The following MIB1 variants were observed in gnomAD, a reference collection of about 807,000 sequenced individuals.
MIB1 encodes the protein E3 ubiquitin-protein ligase MIB1.
In MIB1, 278 loss-of-function variants were observed where a neutral mutation model predicts 124.5. The observed-to-expected ratio is 2.23, with a 90% CI of 2.02 to 2.47. MIB1 has a LOEUF of 2.47. Among genes scored for constraint, MIB1 ranks in the 30% most tolerant of loss-of-function variants. MIB1 has a pLI of 0.00. For missense variants in MIB1, 957 were observed against 1,254.4 expected, an observed-to-expected ratio of 0.76 and a Z score of 3.58; for synonymous variants, 446 against 429.4, an observed-to-expected ratio of 1.04 and a Z score of -0.48.
At chr18:21,803,197 T>A (rs2041668412) in intron 9 of MIB1, among the ~76,000 whole-genome samples, 1 of 152,232 alleles carries the variant, frequency 6.6e-6, no homozygotes, top group African/African-American at 2.4e-5. Flanking sequence ...AATTATTTTA[T>A]TGTCATTTTA....
At chr18:21,825,194 T>C (rs2041913730) in intron 12 of MIB1, among the ~76,000 whole-genome samples, 2 of 152,116 alleles carry the variant, frequency 1.3e-5, no homozygotes, top group African/African-American at 4.8e-5. Flanking sequence ...CTGCTAACAT[T>C]CAGGTAAATA....
chr18:21,853,002 G>A, intron 17 of MIB1, 138 bp from the exon 18 acceptor site: 6 of 612,130 alleles, frequency 9.8e-6, no homozygotes, highest in Non-Finnish European at 1.7e-5. Flanking sequence ...GTAGAGGATG[G>A]GAGGAAAGTG....
intron 13 of MIB1, among the ~76,000 whole-genome samples, chr18:21,839,155 TTATAGTC>T (rs1200112252): frequency 6.6e-6 from 1 of 152,160 alleles, no homozygotes; most frequent in African/African-American, 2.4e-5. Flanking sequence ...TTCAAGGAAT[TTATAGTC>T]TAGTTAAGAA....
intron 8 of MIB1, among the ~76,000 whole-genome samples, chr18:21,799,531 G>A (rs1243922647): frequency 1.3e-5 from 2 of 151,932 alleles, no homozygotes; most frequent in African/African-American, 2.4e-5. Context: ...TACTCCCATG[G>A]TAGTGTGTTT....
intron 1 of MIB1, among the ~76,000 whole-genome samples, chr18:21,750,711 G>A (rs899066900): frequency 7.9e-5 from 12 of 152,120 alleles, no homozygotes; most frequent in East Asian, 2.0e-4. Flanking sequence ...TGATCCACCC[G>A]CCTCAGCCTC....
chr18:21,796,607 C>T (rs753643127), intron 7 of MIB1, among the ~76,000 whole-genome samples: 12 of 152,150 alleles, frequency 7.9e-5, no homozygotes, highest in Non-Finnish European at 1.5e-4. Context: ...CTCCTATTTC[C>T]TAGCTGTATT....
rs938535522 is a variant in MIB1, at chr18:21,717,095, A to G, written n.167+11972A>G. ...GGAATAGAATAGAGAACCCAGAAAT[A>G]AACCCAAATACTTACAGCCAACTGA... is the stretch of plus-strand genomic sequence containing the variant. On this transcript the variant is annotated intron_variant and non_coding_transcript_variant, in intron 1 of 20. Transcript: ENST00000578646. 2.6e-5 allele frequency among the ~76,000 whole-genome samples: 4 copies of G among 152,206 alleles called. No individual in the cohort carries two copies. In the South Asian group the frequency reaches 8.3e-4, roughly 31 times the overall value.
intron 11 of MIB1, 58 bp downstream of exon 11, chr18:21,815,871 A>AAGAAC: frequency 6.9e-7 from 1 of 1,456,934 alleles, no homozygotes; most frequent in East Asian, 2.3e-5. Flanking sequence ...TTAAAGGGAA[A>AAGAAC]CATTAAGTTC....
At chr18:21,797,367 G>T (rs1317886902) in intron 7 of MIB1, among the ~76,000 whole-genome samples, 2 of 152,098 alleles carry the variant, frequency 1.3e-5, no homozygotes, top group East Asian at 3.9e-4. Flanking sequence ...AAAAAACAAA[G>T]AATGTAGCCT....
intron 16 of MIB1, 137 bp from the exon 17 acceptor site, chr18:21,849,059 A>G (rs1325074127): frequency 1.8e-6 from 1 of 549,824 alleles, no homozygotes; most frequent in African/African-American, 1.9e-5. Flanking sequence ...AATGTTTCAC[A>G]TACAGATGTT....
rs1440240498 is a variant in MIB1 at position 21,791,523 on chromosome 18, G to A, written c.1058G>A (p.Arg353Lys). The change falls in exon 7 of 21, where the codon AGA (arginine) becomes AAA (lysine). Residue 353 changes from arginine (R) to lysine (K), a missense_variant. By Grantham distance (26) the Arg-to-Lys change is conservative. Transcript: ENST00000261537. ...YDLERIKLLQ[R>K]GHGEWAEAML... is the part of the protein sequence containing the mutation. Reference sequence around the variant, plus strand: ...CTGGAACGAATTAAACTTCTACAAAGAGGACATGGAGAATGGGCTGAAGCG... The same window carrying A: ...CTGGAACGAATTAAACTTCTACAAAAAGGACATGGAGAATGGGCTGAAGCG... 6.2e-7 allele frequency: 1 copy of A among 1,613,956 alleles called. No homozygotes were observed. Among genetic ancestry groups the A allele is most frequent in the South Asian group, 1.1e-5 (1 of 91,032 alleles).
intron 1 of MIB1, among the ~76,000 whole-genome samples, chr18:21,757,451 CAAAAAAAAAAAAAAAAA>C (rs1202189616): frequency 7.5e-5 from 1 of 13,284 alleles, no homozygotes; most frequent in Non-Finnish European, 1.2e-4. Context: ...GACTCTGTCT[CAAAAAAAAAAAAAAAAA>C]AAAAAAAAAA....
intron 13 of MIB1, among the ~76,000 whole-genome samples, chr18:21,840,780 A>G (rs932311895): frequency 6.6e-6 from 1 of 151,260 alleles, no homozygotes; most frequent in Non-Finnish European, 1.5e-5. Flanking sequence ...TCAGAGAGCC[A>G]TGATGGCGCC....
At chr18:21,734,660 C>T (rs995341726) in intron 1 of MIB1, among the ~76,000 whole-genome samples, 5 of 149,852 alleles carry the variant, frequency 3.3e-5, no homozygotes, top group African/African-American at 9.9e-5. Context: ...TCCCGAGTAG[C>T]TGGGACTACA....
intron 1 of MIB1, among the ~76,000 whole-genome samples, chr18:21,731,986 C>T (rs895712798): frequency 1.3e-5 from 2 of 151,486 alleles, no homozygotes; most frequent in East Asian, 3.9e-4. Context: ...GTCTTTTTTA[C>T]ACTAAAGAAG....
In MIB1 at chr18:21,780,444, A is replaced by G. The variant is rs180675782; in HGVS notation, c.908+759A>G. On this transcript the variant is annotated intron_variant, in intron 6 of 20. Transcript: ENST00000261537. Reference sequence around the variant, plus strand: ...CCAATCAACTTTCTATCTCCATGAGATCCACATTTTACATCTCCTCATATG... The same window carrying G: ...CCAATCAACTTTCTATCTCCATGAGGTCCACATTTTACATCTCCTCATATG... Among the ~76,000 whole-genome samples the G allele has an allele frequency of 3.0e-4, 46 of 152,208 alleles. 1 individual carries two copies. Among genetic ancestry groups the G allele is most frequent in the Admixed American group, 3.0e-3 (46 of 15,290 alleles).
At chr18:21,710,305 G>T (rs2040660026) in intron 1 of MIB1, among the ~76,000 whole-genome samples, 2 of 151,854 alleles carry the variant, frequency 1.3e-5, no homozygotes, top group South Asian at 4.2e-4. Flanking sequence ...TATTGGCCAG[G>T]CTGGTCTAGA....
intron 10 of MIB1, among the ~76,000 whole-genome samples, chr18:21,807,826 T>C (rs2041726143): frequency 6.6e-6 from 1 of 152,056 alleles, no homozygotes; most frequent in Admixed American, 6.6e-5. Context: ...GATTTGTTTT[T>C]TTATCAACTT....
chr18:21,792,368 T>C (rs2041515355), intron 7 of MIB1, among the ~76,000 whole-genome samples: 1 of 152,036 alleles, frequency 6.6e-6, no homozygotes, highest in South Asian at 2.1e-4. Context: ...CCCACTCTAC[T>C]GTAATTGTTC....
Sources: allele counts gnomAD v4.1 joint callset (sites outside exome capture counted in the v4.1 genomes callset), GRCh38; gene constraint gnomAD v4.1.1; transcripts MANE v1.5; gene names NCBI Gene and HGNC (gene_info 2026-07-23, HGNC 2026-07-21).